CALML4: variants seen among roughly 807,000 people sequenced by gnomAD.
The protein encoded by CALML4 is calmodulin like 4, also known as calmodulin-like protein 4.
In CALML4, 16 loss-of-function variants were observed where a neutral mutation model predicts 17.9. That is an observed-to-expected ratio of 0.89 (90% CI 0.61 to 1.36). The LOEUF (loss-of-function observed/expected upper bound fraction) is 1.36, where lower values mean the gene tolerates loss of function less well. CALML4 is among the 40% of genes most tolerant of loss of function. CALML4 has a pLI of 0.00. For missense variants in CALML4, 203 were observed against 194.8 expected (o/e 1.04, Z -0.25); for synonymous variants, 86 against 71.5 (o/e 1.20, Z -1.02).
In CALML4 at chr15:68,200,645, C is replaced by T. The variant is rs751212467; in HGVS notation, c.35-964G>A. Among the ~76,000 whole-genome samples, 2 of 152,160 alleles carry T rather than the reference C, an allele frequency of 1.3e-5. No homozygotes were observed. The highest frequency in any genetic ancestry group is 4.8e-5 in the African/African-American group (2 of 41,434). ...TCTCGTCCAGCCCAGACGAGGCACCCGGGCCTGTGGGTGGAGCCGTGGAAA... is the reference window on the plus strand; with the variant it reads ...TCTCGTCCAGCCCAGACGAGGCACCTGGGCCTGTGGGTGGAGCCGTGGAAA... On this transcript the variant is annotated intron_variant, in intron 2 of 4. Coordinates refer to ENST00000467889, the MANE Select transcript of CALML4 (RefSeq NM_033429.3). This position sits in a 1 kb window ranked among gnomAD's most constrained non-coding sequence, Gnocchi z 4.3.
chr15:68,205,791 T>C (rs1360424984), upstream of CALML4: 1 of 202,576 alleles, frequency 4.9e-6, no homozygotes, highest in Non-Finnish European at 1.0e-5. This position sits in a 1 kb window ranked among gnomAD's most constrained non-coding sequence, Gnocchi z 4.8. Context: ...GCTCTCAGGC[T>C]GGGATTCAGT....
At chr15:68,199,988 T>C in intron 2 of CALML4, 1 of 193,762 alleles carries the variant, frequency 5.2e-6, no homozygotes. Flanking sequence ...TCCTGTATTT[T>C]ATCTGGCTCC....
rs1402596642 is a variant in CALML4, at chr15:68,197,730, GA to G, written c.176-103del. 26 of 1,058,802 alleles carry G rather than the reference GA, an allele frequency of 2.5e-5. No individual in the cohort carries two copies. Among genetic ancestry groups the G allele is most frequent in the Admixed American group, 1.4e-4 (6 of 43,526 alleles). 65.6% of individuals were successfully genotyped at this position (1,058,802 alleles called of 1,614,324 possible). A position where few individuals can be genotyped will look rare whatever the true frequency, so the allele number is the denominator to read the frequency against. ...CTGCACAGCCGGTTCAAGGTCAACT[GA>G]CCAGGGAATGCCAGGATGTGGCAGT... On this transcript the variant is annotated intron_variant, in intron 3 of 4. Coordinates refer to ENST00000467889, the MANE Select transcript of CALML4 (RefSeq NM_033429.3). This position sits in a 1 kb window ranked among gnomAD's most constrained non-coding sequence, Gnocchi z 4.1.
chr15:68,195,223 G>A (rs2141122573), intron 4 of CALML4, among the ~76,000 whole-genome samples: 1 of 152,216 alleles, frequency 6.6e-6, no homozygotes, highest in Non-Finnish European at 1.5e-5. Context: ...ACTGCCCTGT[G>A]TCAACTTCCC....
rs1173063853 is a variant in CALML4, at chr15:68,197,433, C to T, written c.364+7G>A. 1 of 1,612,598 alleles carries T rather than the reference C, an allele frequency of 6.2e-7. No homozygotes were observed. Among genetic ancestry groups the T allele is most frequent in the Non-Finnish European group, 8.5e-7 (1 of 1,179,266 alleles). ...CAACTGTTGGGAGACAGGACCCAGGCTGTTACCTTCCTTGTGGGTGAGCTT... is the reference window on the plus strand; with the variant it reads ...CAACTGTTGGGAGACAGGACCCAGGTTGTTACCTTCCTTGTGGGTGAGCTT... On this transcript the variant is annotated splice_region_variant and intron_variant, in intron 4 of 4. Transcript: ENST00000467889. This position sits in a 1 kb window ranked among gnomAD's most constrained non-coding sequence, Gnocchi z 4.1.
chr15:68,193,001 A>T lies in CALML4; in HGVS notation c.*1014T>A, dbSNP rs946926164. ...CTAGCTGTGTAACTCACTCAAAGCC[A>T]CTCCAGCTGGATGGACTCCCAGAAA... is the stretch of plus-strand genomic sequence containing the variant. On this transcript the variant is annotated 3_prime_UTR_variant, in exon 5 of 5. Transcript: ENST00000467889. 6.6e-6 allele frequency: 1 copy of T among 152,062 alleles called. No homozygotes were observed. The highest frequency in any genetic ancestry group is 1.5e-5 in the Non-Finnish European group (1 of 68,068). 9.4% of individuals were successfully genotyped at this position (152,062 alleles called of 1,614,324 possible). A position where few individuals can be genotyped will look rare whatever the true frequency, so the allele number is the denominator to read the frequency against.
At position 68,204,431 on chromosome 15, in the gene CALML4, G is replaced by A. The variant is rs1373967015; in HGVS notation, c.34+690C>T. ...GGGTCACAACCTCAAGCAGCAGCTG[G>A]CTGTGCCTCCTGGGCCTCTCCTGCC... On this transcript the variant is annotated intron_variant, in intron 2 of 4. Coordinates refer to ENST00000467889, the MANE Select transcript of CALML4 (RefSeq NM_033429.3). This position sits in a 1 kb window ranked among gnomAD's most constrained non-coding sequence, Gnocchi z 6.0. Among the ~76,000 whole-genome samples the A allele has an allele frequency of 6.6e-6, 1 of 152,308 alleles. No homozygotes were observed. Among genetic ancestry groups the A allele is most frequent in the Admixed American group, 6.5e-5 (1 of 15,298 alleles).
chr15:68,200,651 T>C lies in CALML4; in HGVS notation c.35-970A>G, dbSNP rs1237168404. ...CCAGCCCAGACGAGGCACCCGGGCCTGTGGGTGGAGCCGTGGAAACACAGT... is the reference window on the plus strand; with the variant it reads ...CCAGCCCAGACGAGGCACCCGGGCCCGTGGGTGGAGCCGTGGAAACACAGT... On this transcript the variant is annotated intron_variant, in intron 2 of 4. Transcript: ENST00000467889. This position sits in a 1 kb window ranked among gnomAD's most constrained non-coding sequence, Gnocchi z 4.3. Among the ~76,000 whole-genome samples the C allele has an allele frequency of 6.6e-6, 1 of 152,154 alleles. No individual in the cohort carries two copies. Among genetic ancestry groups the C allele is most frequent in the Non-Finnish European group, 1.5e-5 (1 of 68,014 alleles).
rs1263572648 is a variant in CALML4, at chr15:68,199,525, TC to T, written c.175+15del. 3.1e-6 allele frequency: 5 copies of T among 1,602,392 alleles called. No homozygotes were observed. Among genetic ancestry groups the T allele is most frequent in the Non-Finnish European group, 8.5e-7 (1 of 1,173,686 alleles). ...TGGGCCCCTCCCCTCTCCCCGTTGT[TC>T]CCACCACCACTCACCTATCCCGTGG... On this transcript the variant is annotated intron_variant, in intron 3 of 4. Coordinates refer to ENST00000467889, the MANE Select transcript of CALML4 (RefSeq NM_033429.3).
rs763212444 is a variant in CALML4 at position 68,205,300 on chromosome 15, G to C, written c.-53C>G. On this transcript the variant is annotated 5_prime_UTR_variant, in exon 1 of 5. Coordinates refer to ENST00000467889, the MANE Select transcript of CALML4 (RefSeq NM_033429.3). The surrounding 1 kb of genome is among the most constrained non-coding windows in gnomAD (Gnocchi z 4.8). Reference sequence around the variant, plus strand: ...CTTGCTGCTCCCAGAACCGCGTTCAGTTCCCTTTCCTCCAGCCTCAAGTCT... The same window carrying C: ...CTTGCTGCTCCCAGAACCGCGTTCACTTCCCTTTCCTCCAGCCTCAAGTCT... The C allele has an allele frequency of 7.4e-6, 12 of 1,614,148 alleles. No homozygotes were observed. Among genetic ancestry groups the C allele is most frequent in the Non-Finnish European group, 1.0e-5 (12 of 1,180,040 alleles).
Position 68,205,158 on chromosome 15 carries a change from C to T in CALML4, c.4-7G>A. Reference sequence around the variant, plus strand: ...CTTGGGAAAGAAACTTGGCCTGCAGCAGAGAAAGGAAAACAGTCAGGGGAG... The same window carrying T: ...CTTGGGAAAGAAACTTGGCCTGCAGTAGAGAAAGGAAAACAGTCAGGGGAG... On this transcript the variant is annotated splice_polypyrimidine_tract_variant and splice_region_variant and intron_variant, in intron 1 of 4. Transcript: ENST00000467889. The surrounding 1 kb of genome is among the most constrained non-coding windows in gnomAD (Gnocchi z 4.8). The T allele has an allele frequency of 6.2e-7, 1 of 1,614,160 alleles. No individual in the cohort carries two copies. Among genetic ancestry groups the T allele is most frequent in the East Asian group, 2.2e-5 (1 of 44,878 alleles).
At chr15:68,205,529 G>C, upstream of CALML4, 1 of 885,412 alleles carries the variant, frequency 1.1e-6, no homozygotes, top group South Asian at 1.7e-5. The surrounding 1 kb of genome is among the most constrained non-coding windows in gnomAD (Gnocchi z 4.8). Context: ...CGAAGCAAAG[G>C]GACAAATGCC....
At chr15:68,202,662 TG>T (rs2093168996) in intron 2 of CALML4, among the ~76,000 whole-genome samples, 3 of 150,330 alleles carry the variant, frequency 2.0e-5, no homozygotes, top group African/African-American at 7.4e-5. Flanking sequence ...TTTTTTTTTT[TG>T]AGAGAGTTTT....
Position 68,195,322 on chromosome 15 carries a change from T to TAATC in CALML4, c.365-1214_365-1211dup, listed in dbSNP as rs570433860. Among the ~76,000 whole-genome samples the TAATC allele has an allele frequency of 5.3e-5, 8 of 152,334 alleles. No homozygotes were observed. The South Asian group carries it at 6.2e-4, about 12-fold the overall frequency. The stretch of plus-strand genomic sequence containing the variant: ...TGCTTAACTATCCTTCTCGAAAGTA[T>TAATC]AATCACCATGCCTTGGCCTAAGCTG... On this transcript the variant is annotated intron_variant, in intron 4 of 4. Transcript: ENST00000467889.
intron 4 of CALML4, 72 bp from the exon 5 acceptor site, chr15:68,194,184 A>C: frequency 6.7e-6 from 8 of 1,188,414 alleles, no homozygotes; most frequent in Non-Finnish European, 8.7e-6. Context: ...TTTTTTGGGG[A>C]CTGGAGCTCC....
Position 68,199,643 on chromosome 15 carries a change from T to G in CALML4, c.73A>C (p.Arg25=), listed in dbSNP as rs2093158636. 6.2e-7 allele frequency: 1 copy of G among 1,613,210 alleles called. No homozygotes were observed. The highest frequency in any genetic ancestry group is 8.5e-7 in the Non-Finnish European group (1 of 1,179,840). The change falls in exon 3 of 5, where the codon AGG becomes CGG. Residue 25 remains arginine (R), a synonymous_variant. Transcript: ENST00000467889. ...AGGTCGGTGGCTTTTATCTTCCCCC[T>G]CTGCTGCTTGTCATACAGGGAGAAG... ...ECFSLYDKQQ[R]GKIKATDLMV...
chr15:68,193,925 C>T lies in CALML4; in HGVS notation c.*90G>A. On this transcript the variant is annotated 3_prime_UTR_variant, in exon 5 of 5. Coordinates refer to ENST00000467889, the MANE Select transcript of CALML4 (RefSeq NM_033429.3). ...TAATGTTGTCTTGCCACTGTGTTTG[C>T]CATCTCTCCCAAGTGAAAAGAACAC... 1.2e-6 allele frequency: 1 copy of T among 839,736 alleles called. No individual in the cohort carries two copies. The highest frequency in any genetic ancestry group is 2.3e-5 in the Admixed American group (1 of 44,374). 52.0% of individuals were successfully genotyped at this position (839,736 alleles called of 1,614,324 possible). A position where few individuals can be genotyped will look rare whatever the true frequency, so the allele number is the denominator to read the frequency against.
intron 2 of CALML4, among the ~76,000 whole-genome samples, chr15:68,201,720 C>G (rs551525658): frequency 6.6e-6 from 1 of 152,368 alleles, no homozygotes; most frequent in Non-Finnish European, 1.5e-5. Flanking sequence ...CACAAACCTT[C>G]ACATCAGATA....
rs1232240549 is a variant in CALML4 at position 68,200,316 on chromosome 15, G to A, written c.35-635C>T. On this transcript the variant is annotated intron_variant, in intron 2 of 4. Transcript: ENST00000467889. This position sits in a 1 kb window ranked among gnomAD's most constrained non-coding sequence, Gnocchi z 4.3. The stretch of plus-strand genomic sequence containing the variant: ...TTGCCCCTGCCCTGGCCTCCAGGCT[G>A]CTAAACCCTCAAGCTGTCCTTGGAC... Among the ~76,000 whole-genome samples, 3 of 152,222 alleles carry A rather than the reference G, an allele frequency of 2.0e-5. No homozygotes were observed. Among genetic ancestry groups the A allele is most frequent in the Non-Finnish European group, 4.4e-5 (3 of 68,032 alleles).
Sources: gnomAD v4.1 joint callset for allele counts (sites outside exome capture counted in the v4.1 genomes callset) on GRCh38, gnomAD v4.1.1 for gene constraint, Gnocchi (gnomAD v3.1) non-coding constraint, MANE v1.5 for transcripts, NCBI Gene and HGNC (gene_info 2026-07-23, HGNC 2026-07-21) for gene names.